The following KIAA1549L variants were observed in gnomAD, a reference collection of about 807,000 sequenced individuals.
The protein encoded by KIAA1549L is UPF0606 protein KIAA1549L.
KIAA1549L carries 88 observed loss-of-function variants against 160.7 expected under a neutral mutation model. The observed-to-expected ratio is 0.55, with a 90% CI of 0.46 to 0.65. The LOEUF (loss-of-function observed/expected upper bound fraction) is 0.65, where lower values mean the gene tolerates loss of function less well. Ranked by LOEUF, KIAA1549L falls within the 30% of genes least tolerant of loss-of-function variation. KIAA1549L has a pLI of 0.00. For synonymous variants in KIAA1549L, 950 were observed against 976.7 expected (o/e 0.97, Z 0.51); for missense variants, 2,258 against 2,437.5 (o/e 0.93, Z 1.55).
chr11:33,415,199 A>G lies in KIAA1549L; in HGVS notation c.238+38310A>G, dbSNP rs142403933. Among the ~76,000 whole-genome samples, 21 of 152,184 alleles carry G rather than the reference A, an allele frequency of 1.4e-4. No homozygotes were observed. In the East Asian group the frequency reaches 4.0e-3, roughly 29 times the overall value. On this transcript the variant is annotated intron_variant, in intron 1 of 20. Coordinates refer to ENST00000658780, the MANE Select transcript of KIAA1549L (RefSeq NM_012194.3). The stretch of plus-strand genomic sequence containing the variant: ...GCTAGTTCAGGGCGTTAGACATTTC[A>G]TATTCAATCATTCATTACTTTATTC...
chr11:33,630,457 G>T (rs1257299167), intron 16 of KIAA1549L, among the ~76,000 whole-genome samples: 2 of 152,100 alleles, frequency 1.3e-5, no homozygotes, highest in African/African-American at 2.4e-5. Flanking sequence ...GCCCCTCCGA[G>T]CCAGGTGCGG....
chr11:33,482,172 T>C (rs1046120918), intron 1 of KIAA1549L, among the ~76,000 whole-genome samples: 1 of 152,238 alleles, frequency 6.6e-6, no homozygotes, highest in African/African-American at 2.4e-5. Flanking sequence ...GCAAAGGTTA[T>C]TGATTTTTGA....
At chr11:33,402,286 C>T (rs1234862204) in intron 1 of KIAA1549L, among the ~76,000 whole-genome samples, 3 of 152,152 alleles carry the variant, frequency 2.0e-5, no homozygotes, top group Non-Finnish European at 2.9e-5. Context: ...CAGAGTCATC[C>T]TAGACTCCTC....
chr11:33,425,460 T>C (rs1454514994), intron 1 of KIAA1549L, among the ~76,000 whole-genome samples: 3 of 152,244 alleles, frequency 2.0e-5, no homozygotes, highest in African/African-American at 7.2e-5. Flanking sequence ...TACTTTGTAC[T>C]GTAGCTTTCA....
At chr11:33,465,487 G>A (rs2133011142) in intron 1 of KIAA1549L, among the ~76,000 whole-genome samples, 1 of 152,260 alleles carries the variant, frequency 6.6e-6, no homozygotes, top group South Asian at 2.1e-4. Context: ...TTATCACACA[G>A]TTTTACAGCC....
At chr11:33,438,021 A>G (rs1851415240) in intron 1 of KIAA1549L, among the ~76,000 whole-genome samples, 2 of 152,172 alleles carry the variant, frequency 1.3e-5, no homozygotes, top group Admixed American at 1.3e-4. Flanking sequence ...CTCTCCCCTG[A>G]GCCATTCACA....
Position 33,534,250 on chromosome 11 carries a change from T to C in KIAA1549L, c.239-7552T>C, listed in dbSNP as rs544267054. Among the ~76,000 whole-genome samples, 3 of 136,110 alleles carry C rather than the reference T, an allele frequency of 2.2e-5. No homozygotes were observed. In the South Asian group the frequency reaches 6.7e-4, roughly 30 times the overall value. 89.3% of individuals were successfully genotyped at this position (136,110 alleles called of 152,430 possible). ...GGTTCCCACCACCACGCCCAGCTAA[T>C]TTTTTTTTTTTTTGTATTTTTTGTA... On this transcript the variant is annotated intron_variant, in intron 1 of 20. Transcript: ENST00000658780.
intron 1 of KIAA1549L, among the ~76,000 whole-genome samples, chr11:33,494,238 T>C (rs1426636567): frequency 6.6e-6 from 1 of 152,212 alleles, no homozygotes; most frequent in Non-Finnish European, 1.5e-5. Flanking sequence ...ATAGATATGT[T>C]TTACTCTGAA....
intron 1 of KIAA1549L, among the ~76,000 whole-genome samples, chr11:33,451,787 A>G (rs1590254995): frequency 6.6e-6 from 1 of 152,084 alleles, no homozygotes; most frequent in Non-Finnish European, 1.5e-5. Context: ...AAAAGCAAGA[A>G]CCTTTCTCCC....
intron 1 of KIAA1549L, among the ~76,000 whole-genome samples, chr11:33,407,569 A>C (rs1850692772): frequency 6.6e-6 from 1 of 152,014 alleles, no homozygotes; most frequent in Admixed American, 6.6e-5. Context: ...GGCTGGTTTC[A>C]AACTTGTGAC....
At chr11:33,538,367 G>A (rs1853940263) in intron 1 of KIAA1549L, among the ~76,000 whole-genome samples, 2 of 152,108 alleles carry the variant, frequency 1.3e-5, no homozygotes, top group South Asian at 4.1e-4. Flanking sequence ...TACCACCAGG[G>A]ATCTCCTCAC....
Position 33,655,995 on chromosome 11 carries a change from G to T in KIAA1549L, c.5761-17G>T. 2 of 1,591,980 alleles carry T rather than the reference G, an allele frequency of 1.3e-6. No homozygotes were observed. The highest frequency in any genetic ancestry group is 1.7e-6 in the Non-Finnish European group (2 of 1,160,236). ...GGGTGTTAACAACTCTCCCTGTATT[G>T]CTTGTCTCTTTCACAGGCTTACAGG... On this transcript the variant is annotated splice_polypyrimidine_tract_variant and intron_variant, in intron 17 of 20. Coordinates refer to ENST00000658780, the MANE Select transcript of KIAA1549L (RefSeq NM_012194.3).
intron 1 of KIAA1549L, among the ~76,000 whole-genome samples, chr11:33,412,034 G>A (rs932519830): frequency 6.6e-6 from 1 of 152,202 alleles, no homozygotes; most frequent in Admixed American, 6.5e-5. Flanking sequence ...GGTCTGAAAT[G>A]TAGCGTCGGA....
chr11:33,524,491 T>G (rs1255135176), intron 1 of KIAA1549L, among the ~76,000 whole-genome samples: 2 of 144,676 alleles, frequency 1.4e-5, no homozygotes, highest in East Asian at 4.0e-4. Context: ...TTTTTATTAG[T>G]TCATTTTTTG....
intron 1 of KIAA1549L, among the ~76,000 whole-genome samples, chr11:33,408,364 T>C (rs1051713657): frequency 1.3e-5 from 2 of 151,664 alleles, no homozygotes; most frequent in Admixed American, 6.6e-5. Flanking sequence ...GGGCCTATCA[T>C]GTGGTGTTTC....
intron 6 of KIAA1549L, among the ~76,000 whole-genome samples, chr11:33,553,480 G>A (rs1204484574): frequency 2.6e-5 from 4 of 152,210 alleles, no homozygotes; most frequent in African/African-American, 4.8e-5. Flanking sequence ...TTTAGCGTAA[G>A]TGAATTATCA....
intron 1 of KIAA1549L, among the ~76,000 whole-genome samples, chr11:33,412,116 G>C (rs960654236): frequency 1.3e-5 from 2 of 152,180 alleles, no homozygotes; most frequent in African/African-American, 4.8e-5. Context: ...AGAGTAGGAA[G>C]CATCTTAAAT....
chr11:33,470,895 A>T (rs1852165376), intron 1 of KIAA1549L, among the ~76,000 whole-genome samples: 2 of 152,148 alleles, frequency 1.3e-5, no homozygotes, highest in Admixed American at 1.3e-4. Context: ...TCCACTCAGG[A>T]TTCTGGCTGC....
chr11:33,461,256 A>G (rs1029983084), intron 1 of KIAA1549L, among the ~76,000 whole-genome samples: 1 of 152,112 alleles, frequency 6.6e-6, no homozygotes, highest in Non-Finnish European at 1.5e-5. Flanking sequence ...GCGTAATGGT[A>G]TCTATTATGT....
Sources: allele counts gnomAD v4.1 joint callset (sites outside exome capture counted in the v4.1 genomes callset), GRCh38; gene constraint gnomAD v4.1.1; transcripts MANE v1.5; gene names NCBI Gene and HGNC (gene_info 2026-07-23, HGNC 2026-07-21).